WNT16: variants seen among roughly 807,000 people sequenced by gnomAD.
WNT16 encodes the protein protein Wnt-16.
WNT16 carries 20 observed loss-of-function variants against 35.4 expected under a neutral mutation model. The ratio of observed to expected loss-of-function variants is 0.56; its 90% CI spans 0.40 to 0.82. The LOEUF is 0.82. Ranked by LOEUF, WNT16 falls within the 40% of genes least tolerant of loss-of-function variation. The pLI is 0.00. For synonymous variants in WNT16, 180 were observed against 179.2 expected, an observed-to-expected ratio of 1.00 and a Z score of -0.03; for missense variants, 461 against 466.0, an observed-to-expected ratio of 0.99 and a Z score of 0.10.
Position 121,339,451 on chromosome 7 carries a change from G to A in WNT16, c.*106G>A. ...CGCTAGTAAAGTTGACTCTTGCAGT[G>A]GAATCCCTAGAACCTTGGACCTGAG... On this transcript the variant is annotated 3_prime_UTR_variant, in exon 4 of 4. Transcript: ENST00000222462. The A allele has an allele frequency of 9.6e-7, 1 of 1,041,066 alleles. No homozygotes were observed. Among genetic ancestry groups the A allele is most frequent in the Non-Finnish European group, 1.4e-6 (1 of 729,292 alleles). 64.5% of individuals were successfully genotyped at this position (1,041,066 alleles called of 1,614,324 possible). A position where few individuals can be genotyped will look rare whatever the true frequency, so the allele number is the denominator to read the frequency against.
At position 121,339,650 on chromosome 7, in the gene WNT16, G is replaced by A. The variant is rs1793501658; in HGVS notation, c.*305G>A. ...TTCCTAAGCAAGAAATAACAGGAAAGATCCCTTATGCCAGGAGGCCTGCCA... is the reference window on the plus strand; with the variant it reads ...TTCCTAAGCAAGAAATAACAGGAAAAATCCCTTATGCCAGGAGGCCTGCCA... On this transcript the variant is annotated 3_prime_UTR_variant, in exon 4 of 4. Coordinates refer to ENST00000222462, the MANE Select transcript of WNT16 (RefSeq NM_057168.2). 8.8e-6 allele frequency: 4 copies of A among 454,248 alleles called. No homozygotes were observed. The Admixed American group carries it at 1.5e-4, about 17-fold the overall frequency. The allele number at this position is 454,248 out of a possible 1,614,324, so 28.1% of individuals were successfully genotyped here.
intron 3 of WNT16, among the ~76,000 whole-genome samples, chr7:121,333,343 A>T (rs768746292): frequency 1.3e-5 from 2 of 152,020 alleles, no homozygotes; most frequent in Non-Finnish European, 2.9e-5. Flanking sequence ...CGGTAAATAT[A>T]TCACTGTAAC....
chr7:121,328,322 C>A (rs545489006), upstream of WNT16, among the ~76,000 whole-genome samples: 1 of 152,300 alleles, frequency 6.6e-6, no homozygotes, highest in Admixed American at 6.5e-5. Context: ...TTGTCCCCAT[C>A]TTCTGCAGGG....
At chr7:121,330,348 G>T (rs538560350) in intron 2 of WNT16, among the ~76,000 whole-genome samples, 10 of 152,368 alleles carry the variant, frequency 6.6e-5, no homozygotes, top group African/African-American at 2.4e-4. Context: ...CCAACGTGCG[G>T]CTAACCTGAG....
chr7:121,336,989 C>A (rs1045531845), intron 3 of WNT16, among the ~76,000 whole-genome samples: 5 of 152,140 alleles, frequency 3.3e-5, no homozygotes, highest in Non-Finnish European at 5.9e-5. Context: ...ACTGATTGAG[C>A]TTTTTCTCGT....
At chr7:121,332,951 T>G (rs1321532228) in intron 3 of WNT16, among the ~76,000 whole-genome samples, 1 of 152,050 alleles carries the variant, frequency 6.6e-6, no homozygotes, top group Non-Finnish European at 1.5e-5. Flanking sequence ...TAGTGAATAT[T>G]GACACAACAA....
chr7:121,325,469 G>GTT, upstream of WNT16: 1 of 1,613,476 alleles, frequency 6.2e-7, no homozygotes, highest in Non-Finnish European at 8.5e-7. Context: ...CTTCTCAAAA[G>GTT]ACCTCCCTAT....
At chr7:121,327,262 G>C (rs965022781), upstream of WNT16, among the ~76,000 whole-genome samples, 3 of 152,096 alleles carry the variant, frequency 2.0e-5, no homozygotes, top group African/African-American at 7.2e-5. Context: ...GTTGGATAAG[G>C]GAGTGAATGG....
intron 2 of WNT16, among the ~76,000 whole-genome samples, chr7:121,330,089 A>C (rs1195646498): frequency 1.3e-5 from 2 of 151,750 alleles, no homozygotes; most frequent in Non-Finnish European, 2.9e-5. Flanking sequence ...TGGAAAAAAA[A>C]CTCTAATTCT....
At chr7:121,328,889 G>A (rs912505873), upstream of WNT16, 2 of 346,832 alleles carry the variant, frequency 5.8e-6, no homozygotes, top group Non-Finnish European at 8.3e-6. Context: ...AAGAGCCTGA[G>A]GTCCCGAGAT....
upstream of WNT16, among the ~76,000 whole-genome samples, chr7:121,328,610 A>G (rs1385935473): frequency 6.6e-6 from 1 of 152,148 alleles, no homozygotes; most frequent in Non-Finnish European, 1.5e-5. Context: ...GGTGAAGGAG[A>G]AGAAAAAAAG....
chr7:121,333,852 G>T (rs1793393105), intron 3 of WNT16, among the ~76,000 whole-genome samples: 1 of 151,904 alleles, frequency 6.6e-6, no homozygotes, highest in Non-Finnish European at 1.5e-5. Flanking sequence ...CGTTATGATT[G>T]ATTCTCTTAA....
rs930928992 is a variant in WNT16, at chr7:121,340,924, C to G, written c.*1579C>G. On this transcript the variant is annotated 3_prime_UTR_variant, in exon 4 of 4. Transcript: ENST00000222462. ...ATAGATTTTTAAAATTCAGAATGGACAAAGAGAATATTCATTTTCTTATTA... is the reference window on the plus strand; with the variant it reads ...ATAGATTTTTAAAATTCAGAATGGAGAAAGAGAATATTCATTTTCTTATTA... The G allele has an allele frequency of 4.6e-5, 7 of 151,904 alleles. No homozygotes were observed. Among genetic ancestry groups the G allele is most frequent in the Non-Finnish European group, 1.5e-5 (1 of 67,944 alleles). The allele number at this position is 151,904 out of a possible 1,614,324, so 9.4% of individuals were successfully genotyped here.
In WNT16 at chr7:121,332,043, T is replaced by C. The variant is rs1030400353; in HGVS notation, c.633+79T>C. 3.8e-5 allele frequency: 57 copies of C among 1,517,702 alleles called. 1 individual carries two copies. Among genetic ancestry groups the C allele is most frequent in the Non-Finnish European group, 4.8e-5 (54 of 1,124,450 alleles). 94.0% of individuals were successfully genotyped at this position (1,517,702 alleles called of 1,614,324 possible). A position where few individuals can be genotyped will look rare whatever the true frequency, so the allele number is the denominator to read the frequency against. The stretch of plus-strand genomic sequence containing the variant: ...AGGATTACACATCTGCATGAAACTG[T>C]CCAAATGACTTAAAAACCAAACACT... On this transcript the variant is annotated intron_variant, in intron 3 of 3. Coordinates refer to ENST00000222462, the MANE Select transcript of WNT16 (RefSeq NM_057168.2).
chr7:121,335,477 T>C (rs1793427977), intron 3 of WNT16, among the ~76,000 whole-genome samples: 1 of 152,120 alleles, frequency 6.6e-6, no homozygotes, highest in Non-Finnish European at 1.5e-5. Context: ...TTGCAATAGT[T>C]AACAAAACAT....
At chr7:121,330,622 A>C (rs1793327619) in intron 2 of WNT16, among the ~76,000 whole-genome samples, 2 of 149,642 alleles carry the variant, frequency 1.3e-5, no homozygotes, top group Middle Eastern at 3.5e-3. Context: ...TTGTCCACGC[A>C]GTCCCTGCGC....
chr7:121,326,038 C>CAAAAAAAAAA (rs386411143), upstream of WNT16, among the ~76,000 whole-genome samples: 7 of 23,092 alleles, frequency 3.0e-4, 1 homozygote, highest in African/African-American at 6.8e-4. Context: ...TACCTCATCT[C>CAAAAAAAAAA]AAAAAAAAAA....
intron 3 of WNT16, 123 bp downstream of exon 3, chr7:121,332,087 T>A: frequency 2.6e-6 from 3 of 1,139,970 alleles, no homozygotes; most frequent in Non-Finnish European, 2.5e-6. Flanking sequence ...TCAAGTGGGA[T>A]CCTGAAAATT....
intron 1 of WNT16, 80 bp downstream of exon 1, chr7:121,329,467 G>C: frequency 6.3e-7 from 1 of 1,590,104 alleles, no homozygotes; most frequent in Non-Finnish European, 8.6e-7. Flanking sequence ...AACTGAGGCT[G>C]GGGGAGAAGG....
Sources: gnomAD v4.1 joint callset for allele counts (sites outside exome capture counted in the v4.1 genomes callset) on GRCh38, gnomAD v4.1.1 for gene constraint, MANE v1.5 for transcripts, NCBI Gene and HGNC (gene_info 2026-07-23, HGNC 2026-07-21) for gene names.